Variants in PDE10A observed in about 807,000 individuals in gnomAD.
The protein encoded by PDE10A is cAMP and cAMP-inhibited cGMP 3',5'-cyclic phosphodiesterase 10A.
A neutral mutation model predicts 97.7 loss-of-function variants in PDE10A; 39 were observed. The observed-to-expected ratio is 0.40, with a 90% CI of 0.31 to 0.52. PDE10A has a LOEUF of 0.52. PDE10A is among the 20% of genes least tolerant of loss of function. The probability of loss-of-function intolerance (pLI) is 0.56; values close to 1 mark genes in which losing one functional copy is unlikely to be tolerated. For missense variants in PDE10A, 731 were observed against 1,047.8 expected (o/e 0.70, Z 4.17); for synonymous variants, 371 against 376.8 (o/e 0.98, Z 0.18).
intron 1 of PDE10A, among the ~76,000 whole-genome samples, chr6:165,902,949 G>C (rs1782155699): frequency 6.6e-6 from 1 of 152,206 alleles, no homozygotes; most frequent in Non-Finnish European, 1.5e-5. Context: ...TGTTGTGTTT[G>C]AGCCTTTTAT....
rs71026685 is a variant in PDE10A, at chr6:165,394,060, T to TTTATTA, written c.2303+1115_2303+1120dup. ...AAATTTACACGTGGTGTTCTAAACATTTATTATTATTATTATTATTATTAT... is the reference window on the plus strand; with the variant it reads ...AAATTTACACGTGGTGTTCTAAACATTTATTATTATTATTATTATTATTATTATTAT... On this transcript the variant is annotated intron_variant, in intron 15 of 21. Coordinates refer to ENST00000539869, the MANE Select transcript of PDE10A (RefSeq NM_001385079.1). Among the ~76,000 whole-genome samples, 139 of 150,940 alleles carry TTTATTA rather than the reference T, an allele frequency of 9.2e-4. 1 individual carries two copies. Among genetic ancestry groups the TTTATTA allele is most frequent in the African/African-American group, 3.3e-3 (134 of 41,164 alleles).
intron 1 of PDE10A, among the ~76,000 whole-genome samples, chr6:165,596,821 G>T (rs1250586486): frequency 6.6e-6 from 1 of 152,110 alleles, no homozygotes; most frequent in Non-Finnish European, 1.5e-5. Flanking sequence ...CCTTCATGGG[G>T]TCCTGAATAT....
intron 1 of PDE10A, among the ~76,000 whole-genome samples, chr6:165,965,035 C>T (rs1784469519): frequency 6.6e-6 from 1 of 152,146 alleles, no homozygotes. Flanking sequence ...GGCCTTTGGC[C>T]AAACTTGACC....
At chr6:165,435,435 G>C (rs373960789) in intron 5 of PDE10A, 58 bp from the exon 6 acceptor site, 5 of 1,422,206 alleles carry the variant, frequency 3.5e-6, no homozygotes, top group Non-Finnish European at 4.8e-6. Flanking sequence ...AGTACAAAAA[G>C]ACACACGTGA....
chr6:165,762,928 A>C (rs1433951639), intron 1 of PDE10A, among the ~76,000 whole-genome samples: 1 of 152,184 alleles, frequency 6.6e-6, no homozygotes, highest in Non-Finnish European at 1.5e-5. Context: ...AGGAGGAAGA[A>C]AAAAAAGAAA....
intron 1 of PDE10A, among the ~76,000 whole-genome samples, chr6:165,613,615 C>T (rs771481878): frequency 2.0e-5 from 3 of 151,906 alleles, no homozygotes; most frequent in South Asian, 2.1e-4. Flanking sequence ...CACTCCACCC[C>T]GGGTGACAGA....
At position 165,549,556 on chromosome 6, in the gene PDE10A, C is replaced by T. The variant is rs140885631; in HGVS notation, c.866-5988G>A. On this transcript the variant is annotated intron_variant, in intron 1 of 21. Transcript: ENST00000539869. ...AGCCGGGATGGTCTCGATCTCCTGA[C>T]CTCATGATCCACCCACCTTGGCCTC... Among the ~76,000 whole-genome samples the T allele has an allele frequency of 9.6e-3, 1,456 of 152,296 alleles. 13 individuals carry two copies. Among genetic ancestry groups the T allele is most frequent in the Non-Finnish European group, 0.017 (1,151 of 68,020 alleles).
chr6:165,448,154 A>G (rs79927541), intron 5 of PDE10A, among the ~76,000 whole-genome samples: 115 of 152,362 alleles, frequency 7.5e-4, no homozygotes, highest in Non-Finnish European at 1.5e-3. Flanking sequence ...CTAACACATA[A>G]GAAATGTGAA....
Position 165,975,123 on chromosome 6 carries a change from C to T in PDE10A, c.-615+12406G>A, listed in dbSNP as rs943383968. Among the ~76,000 whole-genome samples, 9 of 152,344 alleles carry T rather than the reference C, an allele frequency of 5.9e-5. No homozygotes were observed. In the East Asian group the frequency reaches 1.5e-3, roughly 26 times the overall value. On this transcript the variant is annotated intron_variant, in intron 1 of 19. Coordinates refer to the PDE10A transcript ENST00000366882. ...TCTGTACACTCCTCTGCTGTGGCCT[C>T]TCCCCAAGACTTGCTGATAAACCGC... is the stretch of plus-strand genomic sequence containing the variant.
At chr6:165,435,441 C>T (rs1453081043) in intron 5 of PDE10A, 64 bp from the exon 6 acceptor site, 6 of 1,350,558 alleles carry the variant, frequency 4.4e-6, no homozygotes, top group South Asian at 1.5e-5. Context: ...AAAAGACACA[C>T]GTGAATCCTA....
intron 18 of PDE10A, among the ~76,000 whole-genome samples, chr6:165,377,323 G>T (rs550108): frequency 0.46 from 69,973 of 151,784 alleles, 16,867 homozygotes; most frequent in African/African-American, 0.61. Context: ...TGACATTACA[G>T]GAAATAGACA....
At chr6:165,604,350 T>C (rs1157563273) in intron 1 of PDE10A, among the ~76,000 whole-genome samples, 1 of 152,050 alleles carries the variant, frequency 6.6e-6, no homozygotes, top group Non-Finnish European at 1.5e-5. Flanking sequence ...TCGAGTACCA[T>C]TCACATTTTG....
intron 3 of PDE10A, among the ~76,000 whole-genome samples, chr6:165,451,764 T>TA (rs1791309254): frequency 1.3e-5 from 2 of 152,230 alleles, no homozygotes; most frequent in Admixed American, 6.5e-5. Context: ...GGCTCTCTTC[T>TA]AGTCATCAGA....
intron 1 of PDE10A, among the ~76,000 whole-genome samples, chr6:165,659,309 T>TA (rs1246352451): frequency 5.9e-5 from 9 of 152,308 alleles, no homozygotes; most frequent in African/African-American, 2.2e-4. Context: ...ACTCAACAAT[T>TA]AGACACATTT....
intron 1 of PDE10A, among the ~76,000 whole-genome samples, chr6:165,643,759 CTTTAGCTATCCAT>C (rs1304058588): frequency 6.6e-6 from 1 of 152,156 alleles, no homozygotes; most frequent in Non-Finnish European, 1.5e-5. Context: ...GAGGAATAAG[CTTTAGCTATCCAT>C]TGCACAGCAT....
At chr6:165,336,384 T>C (rs756169867) in intron 20 of PDE10A, among the ~76,000 whole-genome samples, 173 bp from the exon 21 acceptor site, 2 of 152,234 alleles carry the variant, frequency 1.3e-5, no homozygotes, top group Non-Finnish European at 2.9e-5. Flanking sequence ...TAGACTGTAT[T>C]TTAAAATGCA....
At chr6:165,371,993 T>C (rs1373774847) in intron 18 of PDE10A, among the ~76,000 whole-genome samples, 3 of 150,314 alleles carry the variant, frequency 2.0e-5, no homozygotes, top group Non-Finnish European at 4.4e-5. Context: ...ATTATCTCAA[T>C]AGCTGCAGAA....
intron 3 of PDE10A, 150 bp from the exon 4 acceptor site, chr6:165,450,512 T>C (rs1370566749): frequency 2.5e-6 from 1 of 399,688 alleles, no homozygotes; most frequent in South Asian, 9.0e-5. Context: ...AATATTATAA[T>C]CTATTTTATA....
chr6:165,538,947 T>A (rs569012817), intron 2 of PDE10A, among the ~76,000 whole-genome samples: 1 of 152,338 alleles, frequency 6.6e-6, no homozygotes, highest in East Asian at 1.9e-4. Flanking sequence ...TAACATTTAG[T>A]GGGCAACATA....
Sources: gnomAD v4.1 joint callset for allele counts (sites outside exome capture counted in the v4.1 genomes callset) on GRCh38, gnomAD v4.1.1 for gene constraint, MANE v1.5 for transcripts, NCBI Gene and HGNC (gene_info 2026-07-23, HGNC 2026-07-21) for gene names.